Variants in ZIC4 observed in about 807,000 individuals in gnomAD.
ZIC4 encodes the protein zinc finger protein ZIC 4.
Under a neutral mutation model 28.8 loss-of-function variants are expected in ZIC4, and 15 were observed. The ratio of observed to expected loss-of-function variants is 0.52; its 90% CI spans 0.35 to 0.80. The LOEUF (loss-of-function observed/expected upper bound fraction) is 0.80. Ranked by LOEUF, ZIC4 falls within the 30% of genes least tolerant of loss-of-function variation. The pLI is 0.01. For synonymous variants in ZIC4, 220 were observed against 198.1 expected, an observed-to-expected ratio of 1.11 and a Z score of -0.93; for missense variants, 512 against 467.1, an observed-to-expected ratio of 1.10 and a Z score of -0.89.
At position 147,404,105 on chromosome 3, in the gene ZIC4, C is replaced by A. The variant is rs1315525753; in HGVS notation, c.-15-1293G>T. ...TCCTACAGAAGGGCGGCATGCTGGG[C>A]GTCCTCGCTCTGAAATTTCCTCATG... On this transcript the variant is annotated intron_variant, in intron 1 of 4. Coordinates refer to ENST00000383075, the MANE Select transcript of ZIC4 (RefSeq NM_032153.6). The A allele has an allele frequency of 5.2e-6, 8 of 1,535,646 alleles. No homozygotes were observed. In the South Asian group the frequency reaches 9.6e-5, roughly 18 times the overall value.
chr3:147,391,651 C>T lies in ZIC4; in HGVS notation c.689-405G>A, dbSNP rs16859411. ...ACAATATAGTTAACGGGGAAGCTCACATCTGCTCGATTTAAAGTTGCTGTT... is the reference window on the plus strand; with the variant it reads ...ACAATATAGTTAACGGGGAAGCTCATATCTGCTCGATTTAAAGTTGCTGTT... On this transcript the variant is annotated intron_variant, in intron 3 of 4. Coordinates refer to ENST00000383075, the MANE Select transcript of ZIC4 (RefSeq NM_032153.6). 1,327 of 164,388 alleles carry T rather than the reference C, an allele frequency of 8.1e-3. 52 individuals are homozygous for T. Among genetic ancestry groups the T allele is most frequent in the Admixed American group, 0.059 (930 of 15,706 alleles). 10.2% of individuals were successfully genotyped at this position (164,388 alleles called of 1,614,324 possible). A position where few individuals can be genotyped will look rare whatever the true frequency, so the allele number is the denominator to read the frequency against.
Position 147,386,441 on chromosome 3 carries a change from A to G in ZIC4, c.*2418T>C, listed in dbSNP as rs2086798764. The G allele has an allele frequency of 6.5e-6, 1 of 152,706 alleles. No individual in the cohort carries two copies. The highest frequency in any genetic ancestry group is 6.5e-5 in the Admixed American group (1 of 15,294). The allele number at this position is 152,706 out of a possible 1,614,324, so 9.5% of individuals were successfully genotyped here. A position where few individuals can be genotyped will look rare whatever the true frequency, so the allele number is the denominator to read the frequency against. ...TTACATTTTCTCATAAATTAGCAATATAAACAAACATATGGAGACCTTCAG... is the reference window on the plus strand; with the variant it reads ...TTACATTTTCTCATAAATTAGCAATGTAAACAAACATATGGAGACCTTCAG... On this transcript the variant is annotated 3_prime_UTR_variant, in exon 5 of 5. Transcript: ENST00000383075.
At position 147,388,774 on chromosome 3, in the gene ZIC4, C is replaced by T; in HGVS notation, c.*85G>A. 2 of 753,752 alleles carry T rather than the reference C, an allele frequency of 2.7e-6. No homozygotes were observed. The highest frequency in any genetic ancestry group is 4.9e-6 in the Non-Finnish European group (2 of 408,464). The allele number at this position is 753,752 out of a possible 1,614,324, so 46.7% of individuals were successfully genotyped here. ...CGTGGCGAAGAAACACTGCTTTGTG[C>T]GCGGGCCCTTTGATGTAGCAGGCGC... On this transcript the variant is annotated 3_prime_UTR_variant, in exon 5 of 5. Coordinates refer to ENST00000383075, the MANE Select transcript of ZIC4 (RefSeq NM_032153.6).
chr3:147,391,012 G>A lies in ZIC4; in HGVS notation c.923C>T (p.Ser308Leu). The part of the protein sequence containing the change: ...YDSATPSALV[S>L]PSSDCGHKSQ... ...CTTGTGGCCGCAGTCCGACGAGGGC[G>A]ACACGAGGGCAGACGGTGTAGCCGA... Residue 308 changes from serine to leucine, a missense_variant, in exon 4 of 5, where the codon TCG (serine) becomes TTG (leucine). Physicochemically the swap from Ser to Leu is moderately radical, Grantham distance 145. Coordinates refer to ENST00000383075, the MANE Select transcript of ZIC4 (RefSeq NM_032153.6). 3 of 1,613,564 alleles carry A rather than the reference G, an allele frequency of 1.9e-6. No homozygotes were observed. Among genetic ancestry groups the A allele is most frequent in the Non-Finnish European group, 2.5e-6 (3 of 1,179,936 alleles).
intron 1 of ZIC4, among the ~76,000 whole-genome samples, chr3:147,403,041 T>G (rs1204221968): frequency 1.3e-5 from 2 of 152,208 alleles, no homozygotes; most frequent in Non-Finnish European, 2.9e-5. Flanking sequence ...AAAATTATAA[T>G]TTCCCAGCTA....
chr3:147,388,130 T>C lies in ZIC4; in HGVS notation c.*729A>G, dbSNP rs1249558252. The C allele has an allele frequency of 6.6e-6, 1 of 152,464 alleles. No homozygotes were observed. The highest frequency in any genetic ancestry group is 1.9e-4 in the East Asian group (1 of 5,180). 9.4% of individuals were successfully genotyped at this position (152,464 alleles called of 1,614,324 possible). On this transcript the variant is annotated 3_prime_UTR_variant, in exon 5 of 5. Transcript: ENST00000383075. The stretch of plus-strand genomic sequence containing the variant: ...GGCAAGTCGGGTTCTAGAAAGGAAG[T>C]ATATACTGGAGAGCGCAGTGACAGT...
intron 4 of ZIC4, among the ~76,000 whole-genome samples, chr3:147,390,004 C>T (rs759483211): frequency 6.6e-6 from 1 of 152,136 alleles, no homozygotes; most frequent in Non-Finnish European, 1.5e-5. Context: ...CCCGGGGAGG[C>T]CTCACAGCAT....
At chr3:147,399,707 C>T (rs914019915) in intron 2 of ZIC4, among the ~76,000 whole-genome samples, 5 of 149,024 alleles carry the variant, frequency 3.4e-5, no homozygotes, top group Admixed American at 1.3e-4. Flanking sequence ...CCTCTGTCGC[C>T]CAGGCTGCAG....
chr3:147,403,859 TC>T (rs2087218691), intron 1 of ZIC4: 5 of 1,060,932 alleles, frequency 4.7e-6, no homozygotes, highest in Non-Finnish European at 6.6e-6. Context: ...TCTCTCTCTC[TC>T]CCCCTCAACG....
At chr3:147,391,329 A>C in intron 3 of ZIC4, 83 bp from the exon 4 acceptor site, 3 of 1,425,956 alleles carry the variant, frequency 2.1e-6, no homozygotes, top group East Asian at 2.5e-5. Context: ...TTCGTCTCTC[A>C]TTTTCTGGAA....
chr3:147,395,646 T>C (rs1198964180), intron 3 of ZIC4, among the ~76,000 whole-genome samples: 1 of 152,048 alleles, frequency 6.6e-6, no homozygotes, highest in African/African-American at 2.4e-5. Context: ...AGAACAGAAA[T>C]CCCGCACTAT....
In ZIC4 at chr3:147,386,592, C is replaced by T. The variant is rs1576451099; in HGVS notation, c.*2267G>A. ...CACACACAGAGTAGGGGGACCAGCA[C>T]ATCCTTATTTATTTAAACCACCTTT... On this transcript the variant is annotated 3_prime_UTR_variant, in exon 5 of 5. Transcript: ENST00000383075. 6.6e-6 allele frequency: 1 copy of T among 152,550 alleles called. No homozygotes were observed. Among genetic ancestry groups the T allele is most frequent in the South Asian group, 2.1e-4 (1 of 4,836 alleles). 9.4% of individuals were successfully genotyped at this position (152,550 alleles called of 1,614,324 possible). A position where few individuals can be genotyped will look rare whatever the true frequency, so the allele number is the denominator to read the frequency against.
intron 2 of ZIC4, among the ~76,000 whole-genome samples, chr3:147,402,364 T>C (rs2087183528): frequency 1.3e-5 from 2 of 152,112 alleles, no homozygotes; most frequent in African/African-American, 4.8e-5. Flanking sequence ...CTCATTCCAA[T>C]CAAATTGTCT....
At chr3:147,390,683 T>C (rs1192260857) in intron 4 of ZIC4, among the ~76,000 whole-genome samples, 1 of 152,168 alleles carries the variant, frequency 6.6e-6, no homozygotes, top group East Asian at 1.9e-4. Context: ...ATGGACATTA[T>C]ATTAGCGTAT....
chr3:147,402,662 A>T lies in ZIC4; in HGVS notation c.70+66T>A, dbSNP rs367776074. 12 of 1,452,786 alleles carry T rather than the reference A, an allele frequency of 8.3e-6. No homozygotes were observed. The African/African-American group carries it at 1.7e-4, about 21-fold the overall frequency. 90.0% of individuals were successfully genotyped at this position (1,452,786 alleles called of 1,614,324 possible). A position where few individuals can be genotyped will look rare whatever the true frequency, so the allele number is the denominator to read the frequency against. On this transcript the variant is annotated intron_variant, in intron 2 of 4. Transcript: ENST00000383075. The stretch of plus-strand genomic sequence containing the variant: ...ACAAAACAAAACTTCCTACTTAAAA[A>T]AAAAAAAGAAGAAGAAGAAGAAAAG...
intron 3 of ZIC4, chr3:147,394,004 A>G (rs2086984154): frequency 2.2e-6 from 1 of 454,946 alleles, no homozygotes; most frequent in African/African-American, 2.0e-5. Flanking sequence ...CTACTCGAGG[A>G]AATGAAACGC....
chr3:147,394,541 C>T (rs2086997558), intron 3 of ZIC4, among the ~76,000 whole-genome samples: 1 of 151,888 alleles, frequency 6.6e-6, no homozygotes, highest in Non-Finnish European at 1.5e-5. Context: ...AGTCTACCTT[C>T]CGGGTGTCCG....
In ZIC4 at chr3:147,396,508, C is replaced by T. The variant is rs1221278509; in HGVS notation, c.71-39G>A. On this transcript the variant is annotated intron_variant, in intron 2 of 4. Transcript: ENST00000383075. This position sits in a 1 kb window ranked among gnomAD's most constrained non-coding sequence, Gnocchi z 4.2. ...AAATAGCGCGCATGAGAACGGGTGG[C>T]GTGGGCTGCGCGCTCTTCCCTGGGC... The T allele has an allele frequency of 2.7e-6, 4 of 1,492,320 alleles. No individual in the cohort carries two copies. The highest frequency in any genetic ancestry group is 3.5e-6 in the Non-Finnish European group (4 of 1,128,968). 92.4% of individuals were successfully genotyped at this position (1,492,320 alleles called of 1,614,324 possible). A position where few individuals can be genotyped will look rare whatever the true frequency, so the allele number is the denominator to read the frequency against.
intron 4 of ZIC4, among the ~76,000 whole-genome samples, chr3:147,390,406 A>C: frequency 8.8e-6 from 1 of 113,468 alleles, no homozygotes; most frequent in Non-Finnish European, 1.8e-5. Context: ...GGGGGAGGGG[A>C]GGGTTAGAGT....
Sources: gnomAD v4.1 joint callset for allele counts (sites outside exome capture counted in the v4.1 genomes callset) on GRCh38, gnomAD v4.1.1 for gene constraint, Gnocchi (gnomAD v3.1) non-coding constraint, MANE v1.5 for transcripts, NCBI Gene and HGNC (gene_info 2026-07-23, HGNC 2026-07-21) for gene names.